WDPCP: variants seen among roughly 807,000 people sequenced by gnomAD.
The protein encoded by WDPCP is WD repeat-containing and planar cell polarity effector protein fritz homolog.
Under a neutral mutation model 93.1 loss-of-function variants are expected in WDPCP, and 71 were observed. The ratio of observed to expected loss-of-function variants is 0.76; its 90% confidence interval spans 0.63 to 0.93. The LOEUF (loss-of-function observed/expected upper bound fraction) is 0.93, where lower values mean the gene tolerates loss of function less well. Ranked by LOEUF, WDPCP falls within the 40% of genes least tolerant of loss-of-function variation. WDPCP has a pLI of 0.00. For synonymous variants in WDPCP, 315 were observed against 315.0 expected (o/e 1.00, Z 0.00); for missense variants, 844 against 887.4 (o/e 0.95, Z 0.62).
chr2:63,597,262 G>A (rs1709331725), intron 3 of WDPCP: 2 of 1,235,264 alleles, frequency 1.6e-6, no homozygotes, highest in African/African-American at 3.1e-5. Flanking sequence ...TCTTTCTCAG[G>A]CTCCTGAAAT....
chr2:63,702,607 C>T (rs529477168), intron 2 of WDPCP, among the ~76,000 whole-genome samples: 3 of 150,344 alleles, frequency 2.0e-5, no homozygotes, highest in African/African-American at 4.9e-5. Flanking sequence ...GGCGCGATTT[C>T]GGCTCACTGC....
chr2:63,331,005 G>T (rs1382635549), intron 12 of WDPCP, among the ~76,000 whole-genome samples: 3 of 151,670 alleles, frequency 2.0e-5, no homozygotes, highest in African/African-American at 7.3e-5. Flanking sequence ...AAGTAGCCAG[G>T]ACTACAGATG....
At chr2:63,622,062 T>C in intron 3 of WDPCP, 1 of 851,026 alleles carries the variant, frequency 1.2e-6, no homozygotes, top group Non-Finnish European at 1.5e-6. Context: ...ATTCTTTCTT[T>C]TTTCTTTTTT....
chr2:63,230,092 C>CACCCCACAACA (rs1309953101), intron 14 of WDPCP, among the ~76,000 whole-genome samples: 2 of 128,466 alleles, frequency 1.6e-5, no homozygotes, highest in African/African-American at 5.7e-5. Flanking sequence ...TCCCTCCCCC[C>CACCCCACAACA]ACCCCACAAC....
intron 14 of WDPCP, among the ~76,000 whole-genome samples, chr2:63,256,189 G>A (rs1418457575): frequency 6.6e-6 from 1 of 152,014 alleles, no homozygotes; most frequent in Non-Finnish European, 1.5e-5. Context: ...GAGTGAGTCA[G>A]GGTATAAGCT....
intron 12 of WDPCP, among the ~76,000 whole-genome samples, chr2:63,328,699 C>G (rs1425640987): frequency 2.0e-5 from 3 of 152,142 alleles, no homozygotes; most frequent in African/African-American, 7.2e-5. Flanking sequence ...ATATCTATCA[C>G]TTCCAAAAAT....
rs373715841 is a variant in WDPCP at position 63,539,948 on chromosome 2, G to A, written c.76-47008C>T. Among the ~76,000 whole-genome samples the A allele has an allele frequency of 2.0e-5, 3 of 152,002 alleles. No homozygotes were observed. In the East Asian group the frequency reaches 5.8e-4, roughly 29 times the overall value. Reference sequence around the variant, plus strand: ...ATTTAATAATTTCGCCATTCTCATTGGAATGTTAAATAAAAGCAGGATATT... The same window carrying A: ...ATTTAATAATTTCGCCATTCTCATTAGAATGTTAAATAAAAGCAGGATATT... On this transcript the variant is annotated intron_variant, in intron 1 of 17. Coordinates refer to ENST00000272321, the MANE Select transcript of WDPCP (RefSeq NM_015910.7).
upstream of WDPCP, among the ~76,000 whole-genome samples, chr2:63,828,510 C>T (rs1313967040): frequency 6.6e-6 from 1 of 152,076 alleles, no homozygotes; most frequent in South Asian, 2.1e-4. Flanking sequence ...ATACTTAGTA[C>T]CTAGAACGGT....
At chr2:63,473,191 T>C (rs1051850109) in intron 6 of WDPCP, among the ~76,000 whole-genome samples, 3 of 152,170 alleles carry the variant, frequency 2.0e-5, no homozygotes, top group South Asian at 2.1e-4. Context: ...CATCAGTATG[T>C]ATACGTTTTA....
chr2:63,478,411 C>G (rs1700085284), intron 6 of WDPCP, among the ~76,000 whole-genome samples: 1 of 152,114 alleles, frequency 6.6e-6, no homozygotes, highest in South Asian at 2.1e-4. Flanking sequence ...GCATATGGAA[C>G]TTTCTCCAAG....
intron 15 of WDPCP, among the ~76,000 whole-genome samples, chr2:63,160,174 G>T (rs1421263398): frequency 6.6e-6 from 1 of 152,136 alleles, no homozygotes; most frequent in Non-Finnish European, 1.5e-5. Context: ...TGCATTCAAT[G>T]GGTGAGACAG....
At chr2:63,193,217 C>A (rs1402000589) in intron 14 of WDPCP, among the ~76,000 whole-genome samples, 1 of 152,082 alleles carries the variant, frequency 6.6e-6, no homozygotes, top group African/African-American at 2.4e-5. Context: ...TTTACGGAAC[C>A]CCCAAACATA....
intron 1 of WDPCP, among the ~76,000 whole-genome samples, chr2:63,824,537 C>CAAAAAAAAA (rs70965144): frequency 2.3e-5 from 2 of 85,330 alleles, no homozygotes; most frequent in Admixed American, 1.6e-4. Context: ...GACCATGTTT[C>CAAAAAAAAA]AAAAAAAAAA....
At chr2:63,618,506 G>C (rs1321258482) in intron 3 of WDPCP, among the ~76,000 whole-genome samples, 1 of 152,066 alleles carries the variant, frequency 6.6e-6, no homozygotes, top group African/African-American at 2.4e-5. Context: ...GAAATGATCA[G>C]TGATTATCCC....
intron 2 of WDPCP, among the ~76,000 whole-genome samples, chr2:63,701,661 T>C (rs558893646): frequency 6.6e-6 from 1 of 152,306 alleles, no homozygotes; most frequent in East Asian, 1.9e-4. Context: ...CAGGACATTA[T>C]TCAGCCATAA....
At chr2:63,324,976 C>T (rs1442201046) in intron 12 of WDPCP, among the ~76,000 whole-genome samples, 2 of 152,200 alleles carry the variant, frequency 1.3e-5, no homozygotes, top group Non-Finnish European at 2.9e-5. Flanking sequence ...ACTTGAGGGT[C>T]AATTGATTCT....
chr2:63,590,507 C>A (rs1332329550), upstream of WDPCP: 2 of 152,178 alleles, frequency 1.3e-5, no homozygotes, highest in African/African-American at 2.4e-5. Context: ...CCAGTTCATA[C>A]TGCATATACA....
At chr2:63,577,348 T>C (rs916643101) in intron 1 of WDPCP, among the ~76,000 whole-genome samples, 1 of 152,210 alleles carries the variant, frequency 6.6e-6, no homozygotes, top group Non-Finnish European at 1.5e-5. Context: ...GAAAGTATTG[T>C]ACCTTAAATT....
intron 14 of WDPCP, among the ~76,000 whole-genome samples, chr2:63,226,340 C>G (rs1459439828): frequency 6.6e-6 from 1 of 151,634 alleles, no homozygotes; most frequent in African/African-American, 2.4e-5. Flanking sequence ...AAAAGATTTT[C>G]CTAAGCATTT....
Sources: gnomAD v4.1 joint callset for allele counts (sites outside exome capture counted in the v4.1 genomes callset) on GRCh38, gnomAD v4.1.1 for gene constraint, MANE v1.5 for transcripts, NCBI Gene and HGNC (gene_info 2026-07-23, HGNC 2026-07-21) for gene names.